The following PRMT1 variants were observed in gnomAD, a reference collection of about 807,000 sequenced individuals.
PRMT1 encodes protein arginine methyltransferase 1.
Under a neutral mutation model 47.4 loss-of-function variants are expected in PRMT1, and 5 were observed. The observed-to-expected ratio is 0.11, with a 90% confidence interval of 0.06 to 0.22. The LOEUF is 0.22. PRMT1 is among the 10% of genes least tolerant of loss of function. The pLI, the probability that PRMT1 is intolerant of heterozygous loss-of-function variation, is 1.00. For missense variants in PRMT1, 249 were observed against 518.4 expected (o/e 0.48, Z 5.05); for synonymous variants, 227 against 204.6 (o/e 1.11, Z -0.94).
At chr19:49,677,337 C>T (rs774314551) in intron 1 of PRMT1, 21 bp downstream of exon 1, 1 of 1,388,214 alleles carries the variant, frequency 7.2e-7, no homozygotes, top group Admixed American at 3.0e-5. Context: ...GGAGCGCCGC[C>T]GTGGGCGGGA....
At position 49,685,650 on chromosome 19, in the gene PRMT1, G is replaced by A. The variant is rs531393348; in HGVS notation, c.760-443G>A. The A allele has an allele frequency of 1.6e-5, 16 of 1,022,704 alleles. No homozygotes were observed. The highest frequency in any genetic ancestry group is 1.0e-4 in the Admixed American group (2 of 19,076). 63.4% of individuals were successfully genotyped at this position (1,022,704 alleles called of 1,614,324 possible). A position where few individuals can be genotyped will look rare whatever the true frequency, so the allele number is the denominator to read the frequency against. On this transcript the variant is annotated intron_variant, in intron 8 of 10. Transcript: ENST00000454376. This position sits in a 1 kb window ranked among gnomAD's most constrained non-coding sequence, Gnocchi z 4.7. The stretch of plus-strand genomic sequence containing the variant: ...TCCTGTCGGGGAGGAGTAAGTTGTT[G>A]AGTGGGGGAGGAGAGGAGACTACAG...
chr19:49,683,359 A>G (rs182150341), intron 5 of PRMT1, among the ~76,000 whole-genome samples: 10 of 152,230 alleles, frequency 6.6e-5, no homozygotes, highest in Non-Finnish European at 1.2e-4. Context: ...GAATGTGATC[A>G]TGCTGTTACT....
chr19:49,682,879 G>T (rs2082141232), intron 5 of PRMT1, among the ~76,000 whole-genome samples: 1 of 149,464 alleles, frequency 6.7e-6, no homozygotes, highest in Non-Finnish European at 1.5e-5. Context: ...TCCGCCTCCT[G>T]GGTTCAAGTG....
chr19:49,678,234 C>A (rs958883534), intron 1 of PRMT1: 1 of 152,184 alleles, frequency 6.6e-6, no homozygotes, highest in Admixed American at 6.6e-5. Context: ...AGAGCTTTAC[C>A]CTACTGGAGC....
Position 49,684,050 on chromosome 19 carries a change from A to G in PRMT1, c.536A>G (p.Tyr179Cys). The G allele has an allele frequency of 3.7e-6, 6 of 1,614,156 alleles. No homozygotes were observed. The highest frequency in any genetic ancestry group is 5.1e-6 in the Non-Finnish European group (6 of 1,180,008). ...FYESMLNTVL[Y>C]ARDKWLAPDG... The stretch of plus-strand genomic sequence containing the variant: ...GAGTCCATGCTCAACACCGTGCTCT[A>G]TGCCCGGGACAAGTGGCTGGTGAGG... Residue 179 changes from tyrosine to cysteine, a missense_variant, in exon 6 of 11, where the codon TAT becomes TGT. Coordinates refer to ENST00000454376, the MANE Select transcript of PRMT1 (RefSeq NM_001536.6). This position sits in a 1 kb window ranked among gnomAD's most constrained non-coding sequence, Gnocchi z 6.2.
intron 1 of PRMT1, among the ~76,000 whole-genome samples, chr19:49,678,441 G>A (rs1314981287): frequency 6.6e-6 from 1 of 152,128 alleles, no homozygotes; most frequent in African/African-American, 2.4e-5. Context: ...TTGTCTGGCG[G>A]TAGTTTTCAG....
Position 49,688,301 on chromosome 19 carries a change from CGG to C in PRMT1, c.*59_*60del. The C allele has an allele frequency of 1.3e-6, 2 of 1,559,630 alleles. No homozygotes were observed. The highest frequency in any genetic ancestry group is 1.8e-6 in the Non-Finnish European group (2 of 1,134,620). ...GGGGCTGAGCGTTCCTAGGCGGTTTCGGGGCTCCCCCTTCCTCTCCCTCCCTC... is the reference window on the plus strand; with the variant it reads ...GGGGCTGAGCGTTCCTAGGCGGTTTCGGCTCCCCCTTCCTCTCCCTCCCTC... On this transcript the variant is annotated 3_prime_UTR_variant, in exon 11 of 11. Transcript: ENST00000454376. This position sits in a 1 kb window ranked among gnomAD's most constrained non-coding sequence, Gnocchi z 5.3.
chr19:49,687,364 G>A (rs1324147780), intron 10 of PRMT1, among the ~76,000 whole-genome samples: 2 of 152,086 alleles, frequency 1.3e-5, no homozygotes, highest in East Asian at 1.9e-4. Context: ...GTCGCCGGGA[G>A]TGGTCTGGGT....
intron 10 of PRMT1, 43 bp downstream of exon 10, chr19:49,686,769 G>C (rs757435464): frequency 2.7e-6 from 4 of 1,504,962 alleles, no homozygotes; most frequent in Non-Finnish European, 3.6e-6. Flanking sequence ...CAGCTAGGGC[G>C]GGGAGTGTAG....
chr19:49,680,154 C>A lies in PRMT1; in HGVS notation c.90+229C>A. On this transcript the variant is annotated intron_variant, in intron 2 of 10. Coordinates refer to ENST00000454376, the MANE Select transcript of PRMT1 (RefSeq NM_001536.6). The surrounding 1 kb of genome is among the most constrained non-coding windows in gnomAD (Gnocchi z 4.2). ...CCACCTCCAACCCCCCTTTGCCCTT[C>A]CCTGTGTCTGCCCCCATTTTCCTTC... 1 of 1,527,046 alleles carries A rather than the reference C, an allele frequency of 6.5e-7. No individual in the cohort carries two copies. The highest frequency in any genetic ancestry group is 8.9e-7 in the Non-Finnish European group (1 of 1,117,916). The allele number at this position is 1,527,046 out of a possible 1,614,324, so 94.6% of individuals were successfully genotyped here. A position where few individuals can be genotyped will look rare whatever the true frequency, so the allele number is the denominator to read the frequency against.
Position 49,684,734 on chromosome 19 carries a change from C to T in PRMT1, c.556-20C>T. On this transcript the variant is annotated intron_variant, in intron 6 of 10. Coordinates refer to ENST00000454376, the MANE Select transcript of PRMT1 (RefSeq NM_001536.6). This position sits in a 1 kb window ranked among gnomAD's most constrained non-coding sequence, Gnocchi z 6.2. ...TGTTGCCAGGCCCCACCCTTCATGC[C>T]TCGCCCTGCCCCTCTGTAGGCGCCC... 1.3e-6 allele frequency: 2 copies of T among 1,549,620 alleles called. No homozygotes were observed. The highest frequency in any genetic ancestry group is 1.7e-6 in the Non-Finnish European group (2 of 1,146,552).
rs1205509294 is a variant in PRMT1 at position 49,681,173 on chromosome 19, C to T, written c.192+585C>T. On this transcript the variant is annotated intron_variant, in intron 3 of 10. Transcript: ENST00000454376. This position sits in a 1 kb window ranked among gnomAD's most constrained non-coding sequence, Gnocchi z 4.4. ...CAGGTGATCCCCCCACTTCCACTTT[C>T]GGAGTAGCTGGGACCACAGGCGCGC... is the stretch of plus-strand genomic sequence containing the variant. Among the ~76,000 whole-genome samples the T allele has an allele frequency of 6.6e-6, 1 of 152,180 alleles. No individual in the cohort carries two copies. The highest frequency in any genetic ancestry group is 1.5e-5 in the Non-Finnish European group (1 of 68,038).
Position 49,684,206 on chromosome 19 carries a change from G to A in PRMT1, c.555+137G>A. 7.9e-7 allele frequency: 1 copy of A among 1,263,152 alleles called. No individual in the cohort carries two copies. The highest frequency in any genetic ancestry group is 2.4e-5 in the East Asian group (1 of 42,396). 78.2% of individuals were successfully genotyped at this position (1,263,152 alleles called of 1,614,324 possible). A position where few individuals can be genotyped will look rare whatever the true frequency, so the allele number is the denominator to read the frequency against. On this transcript the variant is annotated intron_variant, in intron 6 of 10. Coordinates refer to ENST00000454376, the MANE Select transcript of PRMT1 (RefSeq NM_001536.6). The surrounding 1 kb of genome is among the most constrained non-coding windows in gnomAD (Gnocchi z 6.2). ...AAGGTGTTAGAAAGCCACAGCCCAA[G>A]CCAGGTGTGACAGACCCTGGAGGGA...
rs2082177924 is a variant in PRMT1, at chr19:49,684,670, G to GGGCAGGAGGCCACATCTTGGA, written c.556-79_556-59dup. 8 of 1,429,768 alleles carry GGGCAGGAGGCCACATCTTGGA rather than the reference G, an allele frequency of 5.6e-6. No homozygotes were observed. In the South Asian group the frequency reaches 9.8e-5, roughly 18 times the overall value. 88.6% of individuals were successfully genotyped at this position (1,429,768 alleles called of 1,614,324 possible). A position where few individuals can be genotyped will look rare whatever the true frequency, so the allele number is the denominator to read the frequency against. Reference sequence around the variant, plus strand: ...TGCGACATGAGGGTGGCCCAGACCAGGGCAGGAGGCCACATCTTGGAGGCA... The same window carrying GGGCAGGAGGCCACATCTTGGA: ...TGCGACATGAGGGTGGCCCAGACCAGGGCAGGAGGCCACATCTTGGAGGCAGGAGGCCACATCTTGGAGGCA... On this transcript the variant is annotated intron_variant, in intron 6 of 10. Transcript: ENST00000454376. The surrounding 1 kb of genome is among the most constrained non-coding windows in gnomAD (Gnocchi z 6.2).
chr19:49,684,165 G>A lies in PRMT1; in HGVS notation c.555+96G>A. ...ATTTTTCCCACAGACGGGACTTACTGTGGGGGCTTAGCTGCAAGGTGTTAG... is the reference window on the plus strand; with the variant it reads ...ATTTTTCCCACAGACGGGACTTACTATGGGGGCTTAGCTGCAAGGTGTTAG... On this transcript the variant is annotated intron_variant, in intron 6 of 10. Coordinates refer to ENST00000454376, the MANE Select transcript of PRMT1 (RefSeq NM_001536.6). This position sits in a 1 kb window ranked among gnomAD's most constrained non-coding sequence, Gnocchi z 6.2. 2 of 1,519,654 alleles carry A rather than the reference G, an allele frequency of 1.3e-6. No homozygotes were observed. Among genetic ancestry groups the A allele is most frequent in the Non-Finnish European group, 1.8e-6 (2 of 1,111,220 alleles). The allele number at this position is 1,519,654 out of a possible 1,614,324, so 94.1% of individuals were successfully genotyped here.
rs983118959 is a variant in PRMT1 at position 49,688,104 on chromosome 19, C to T, written c.1033-58C>T. 2.4e-5 allele frequency: 36 copies of T among 1,475,736 alleles called. No homozygotes were observed. In the South Asian group the frequency reaches 2.8e-4, roughly 12 times the overall value. 91.4% of individuals were successfully genotyped at this position (1,475,736 alleles called of 1,614,324 possible). On this transcript the variant is annotated intron_variant, in intron 10 of 10. Transcript: ENST00000454376. The surrounding 1 kb of genome is among the most constrained non-coding windows in gnomAD (Gnocchi z 5.3). ...CATCGTCGCATAGCCTGCCTGCACC[C>T]GCCCCCCGCCACCACCTCCTGGTGG...
Position 49,680,270 on chromosome 19 carries a change from CT to C in PRMT1, c.91-216del, listed in dbSNP as rs1384738121. 4.0e-6 allele frequency: 6 copies of C among 1,518,246 alleles called. No individual in the cohort carries two copies. Among genetic ancestry groups the C allele is most frequent in the Non-Finnish European group, 5.5e-6 (6 of 1,097,104 alleles). 94.0% of individuals were successfully genotyped at this position (1,518,246 alleles called of 1,614,324 possible). A position where few individuals can be genotyped will look rare whatever the true frequency, so the allele number is the denominator to read the frequency against. On this transcript the variant is annotated intron_variant, in intron 2 of 10. Transcript: ENST00000454376. The surrounding 1 kb of genome is among the most constrained non-coding windows in gnomAD (Gnocchi z 4.2). ...GTGGCTGAGGTATCGGGGTGCTCCCCTGGATGGTGCTCTGGGGGGGTCCTGG... is the reference window on the plus strand; with the variant it reads ...GTGGCTGAGGTATCGGGGTGCTCCCCGGATGGTGCTCTGGGGGGGTCCTGG...
At chr19:49,686,348 A>T (rs2082204256) in intron 9 of PRMT1, 105 bp downstream of exon 9, 1 of 1,420,468 alleles carries the variant, frequency 7.0e-7, no homozygotes, top group African/African-American at 1.4e-5. Context: ...CCATGGGGAC[A>T]CGCGTGTTCC....
rs1395123174 is a variant in PRMT1 at position 49,684,744 on chromosome 19, C to T, written c.556-10C>T. The T allele has an allele frequency of 2.6e-6, 4 of 1,551,594 alleles. No homozygotes were observed. In the Admixed American group the frequency reaches 7.8e-5, roughly 30 times the overall value. ...CCCCACCCTTCATGCCTCGCCCTGC[C>T]CCTCTGTAGGCGCCCGATGGCCTCA... On this transcript the variant is annotated splice_polypyrimidine_tract_variant and intron_variant, in intron 6 of 10. Coordinates refer to ENST00000454376, the MANE Select transcript of PRMT1 (RefSeq NM_001536.6). This position sits in a 1 kb window ranked among gnomAD's most constrained non-coding sequence, Gnocchi z 6.2.
Sources: gnomAD v4.1 joint callset for allele counts (sites outside exome capture counted in the v4.1 genomes callset) on GRCh38, gnomAD v4.1.1 for gene constraint, Gnocchi (gnomAD v3.1) non-coding constraint, MANE v1.5 for transcripts, NCBI Gene and HGNC (gene_info 2026-07-23, HGNC 2026-07-21) for gene names.